ATAD2B: variants seen among roughly 807,000 people sequenced by gnomAD.
ATAD2B encodes the protein ATPase family AAA domain-containing protein 2B.
A neutral mutation model predicts 167.6 loss-of-function variants in ATAD2B; 40 were observed. The ratio of observed to expected loss-of-function variants is 0.24; its 90% CI spans 0.19 to 0.31. The LOEUF (loss-of-function observed/expected upper bound fraction) is 0.31. Ranked by LOEUF, ATAD2B falls within the 10% of genes least tolerant of loss-of-function variation. ATAD2B has a pLI of 1.00. For missense variants in ATAD2B, 1,242 were observed against 1,757.2 expected (o/e 0.71, Z 5.24); for synonymous variants, 579 against 596.5 (o/e 0.97, Z 0.43).
chr2:23,742,099 G>A, the ATAD2B span, among the ~76,000 whole-genome samples: 1 of 152,194 alleles, frequency 6.6e-6, no homozygotes, highest in African/African-American at 2.4e-5. Context: ...CTTTTACACT[G>A]TTGGTGGGAC....
chr2:23,773,725 T>A (rs970369744), intron 22 of ATAD2B, among the ~76,000 whole-genome samples: 3 of 152,154 alleles, frequency 2.0e-5, no homozygotes, highest in African/African-American at 7.2e-5. Flanking sequence ...CCAAGTTACA[T>A]AAGCACAGCA....
At chr2:23,849,194 A>G (rs1199736108) in intron 13 of ATAD2B, among the ~76,000 whole-genome samples, 1 of 152,212 alleles carries the variant, frequency 6.6e-6, no homozygotes, top group East Asian at 1.9e-4. Flanking sequence ...GCAATTAAGA[A>G]AATAAGACCC....
the ATAD2B span, among the ~76,000 whole-genome samples, chr2:23,733,567 T>C: frequency 2.0e-5 from 3 of 152,192 alleles, no homozygotes; most frequent in Non-Finnish European, 4.4e-5. Flanking sequence ...AAGCTTTAGA[T>C]ATATTTATCT....
chr2:23,696,528 G>A, the ATAD2B span: 1 of 1,507,706 alleles, frequency 6.6e-7, no homozygotes, highest in South Asian at 1.3e-5. The surrounding 1 kb of genome is among the most constrained non-coding windows in gnomAD (Gnocchi z 5.5). Flanking sequence ...TGAGGCCACG[G>A]TCAGGACAGG....
the ATAD2B span, chr2:23,688,899 C>G: frequency 2.0e-5 from 3 of 152,526 alleles, no homozygotes; most frequent in East Asian, 5.8e-4. Flanking sequence ...CCCTCGTCAG[C>G]GACCAGGGTC....
chr2:23,806,743 G>T (rs891913975), intron 18 of ATAD2B, among the ~76,000 whole-genome samples: 1 of 152,246 alleles, frequency 6.6e-6, no homozygotes, highest in South Asian at 2.1e-4. Context: ...TAATAAGCAC[G>T]ATTATAACTA....
At position 23,819,260 on chromosome 2, in the gene ATAD2B, G is replaced by A. The variant is rs561088677; in HGVS notation, c.2267+487C>T. Among the ~76,000 whole-genome samples, 18 of 152,260 alleles carry A rather than the reference G, an allele frequency of 1.2e-4. No homozygotes were observed. In the South Asian group the frequency reaches 3.7e-3, roughly 32 times the overall value. On this transcript the variant is annotated intron_variant, in intron 17 of 27. Transcript: ENST00000238789. Reference sequence around the variant, plus strand: ...CGCCTATAATCCCAGCACTTCGGGAGTCCAAAGCGGGAAGAGCACCTGAGA... The same window carrying A: ...CGCCTATAATCCCAGCACTTCGGGAATCCAAAGCGGGAAGAGCACCTGAGA...
chr2:23,886,943 A>AG (rs1698760089), intron 4 of ATAD2B, among the ~76,000 whole-genome samples: 1 of 147,912 alleles, frequency 6.8e-6, no homozygotes, highest in Non-Finnish European at 1.5e-5. Flanking sequence ...AAAAAAAAAA[A>AG]GGGAAAAAGA....
chr2:23,838,434 T>C (rs1054322353), intron 13 of ATAD2B, among the ~76,000 whole-genome samples: 5 of 150,688 alleles, frequency 3.3e-5, no homozygotes, highest in African/African-American at 1.2e-4. Flanking sequence ...ACTTAAATTA[T>C]ACCAAAAGTT....
At chr2:23,885,625 A>G (rs1237473011) in intron 5 of ATAD2B, 102 bp downstream of exon 5, 1 of 618,212 alleles carries the variant, frequency 1.6e-6, no homozygotes, top group African/African-American at 1.9e-5. Context: ...ACGAAGGAAC[A>G]CTCATGCTAA....
At chr2:23,726,798 A>G in the ATAD2B span, among the ~76,000 whole-genome samples, 2 of 152,220 alleles carry the variant, frequency 1.3e-5, no homozygotes, top group South Asian at 4.1e-4. Flanking sequence ...AGGCGGTCAA[A>G]TGGGGAGTTT....
intron 13 of ATAD2B, among the ~76,000 whole-genome samples, chr2:23,839,893 T>C (rs1006820285): frequency 6.6e-6 from 1 of 152,132 alleles, no homozygotes; most frequent in African/African-American, 2.4e-5. Flanking sequence ...CCTTGGCCTC[T>C]TTTACTCAAC....
At chr2:23,678,002 C>T in the ATAD2B span, among the ~76,000 whole-genome samples, 29 of 152,374 alleles carry the variant, frequency 1.9e-4, no homozygotes, top group East Asian at 3.3e-3. Context: ...GACTTCTCTG[C>T]TGCAAAGCCA....
intron 12 of ATAD2B, among the ~76,000 whole-genome samples, chr2:23,862,862 G>C (rs1356042417): frequency 6.6e-6 from 1 of 151,942 alleles, no homozygotes; most frequent in African/African-American, 2.4e-5. Context: ...CACCTAACAT[G>C]GTATTATATA....
At position 23,757,981 on chromosome 2, in the gene ATAD2B, T is replaced by C. The variant is rs569005960; in HGVS notation, c.3515A>G (p.His1172Arg). ...EDTKFADYEN[H>R]TEDRKLLENG... ...CTCTAATAATTTCCTGTCCTCCGTATGGTTCTCATAGTCTGCAAATTTGGT... is the reference window on the plus strand; with the variant it reads ...CTCTAATAATTTCCTGTCCTCCGTACGGTTCTCATAGTCTGCAAATTTGGT... The change falls in exon 25 of 28, where the codon CAT (histidine) becomes CGT (arginine). Residue 1172 changes from histidine to arginine, a missense_variant. By Grantham distance (29) the His-to-Arg change is conservative. Coordinates refer to ENST00000238789, the MANE Select transcript of ATAD2B (RefSeq NM_017552.4). 5.6e-6 allele frequency: 9 copies of C among 1,613,638 alleles called. No homozygotes were observed. The South Asian group carries it at 6.6e-5, about 12-fold the overall frequency.
chr2:23,781,357 T>C (rs1680023166), intron 22 of ATAD2B, among the ~76,000 whole-genome samples: 1 of 150,776 alleles, frequency 6.6e-6, no homozygotes, highest in Non-Finnish European at 1.5e-5. Context: ...AATAAATAAA[T>C]AAATAAATAA....
the ATAD2B span, among the ~76,000 whole-genome samples, chr2:23,705,970 G>A: frequency 4.3e-4 from 66 of 152,318 alleles, 1 homozygote; most frequent in East Asian, 9.1e-3. Context: ...GAGCATGCCC[G>A]GCCCTTGCAA....
chr2:23,907,798 A>C (rs1022376534), intron 1 of ATAD2B, among the ~76,000 whole-genome samples: 1 of 152,094 alleles, frequency 6.6e-6, no homozygotes, highest in Non-Finnish European at 1.5e-5. Context: ...GAGATATAGA[A>C]CAATGGAACA....
intron 2 of ATAD2B, among the ~76,000 whole-genome samples, chr2:23,893,284 C>A (rs1699774063): frequency 6.6e-6 from 1 of 152,130 alleles, no homozygotes; most frequent in Non-Finnish European, 1.5e-5. Context: ...TTTTTCATAG[C>A]TAATACTAAT....
Sources: gnomAD v4.1 joint callset for allele counts (sites outside exome capture counted in the v4.1 genomes callset) on GRCh38, gnomAD v4.1.1 for gene constraint, Gnocchi (gnomAD v3.1) non-coding constraint, MANE v1.5 for transcripts, NCBI Gene and HGNC (gene_info 2026-07-23, HGNC 2026-07-21) for gene names.